Variants in XRCC4 observed in about 807,000 individuals in gnomAD.
XRCC4 encodes the protein X-ray repair cross complementing 4.
In XRCC4, 28 loss-of-function variants were observed where a neutral mutation model predicts 39.1. The ratio of observed to expected loss-of-function variants is 0.72; its 90% CI spans 0.53 to 0.98. The LOEUF (loss-of-function observed/expected upper bound fraction) is 0.98. Ranked by LOEUF, XRCC4 falls within the 50% of genes least tolerant of loss-of-function variation. The probability of loss-of-function intolerance (pLI) is 0.00; values close to 1 mark genes in which losing one functional copy is unlikely to be tolerated. For missense variants in XRCC4, 350 were observed against 376.4 expected (o/e 0.93, Z 0.58); for synonymous variants, 123 against 126.4 (o/e 0.97, Z 0.18).
chr5:83,368,748 A>G, the XRCC4 span, among the ~76,000 whole-genome samples: 48 of 152,186 alleles, frequency 3.2e-4, no homozygotes, highest in African/African-American at 1.1e-3. Flanking sequence ...AACCCTTACG[A>G]TATACTAAAT....
chr5:83,264,339 C>T (rs1753879201), intron 7 of XRCC4, among the ~76,000 whole-genome samples: 1 of 152,088 alleles, frequency 6.6e-6, no homozygotes, highest in African/African-American at 2.4e-5. Context: ...AGGCAATATT[C>T]ACTCTTAATA....
intron 3 of XRCC4, among the ~76,000 whole-genome samples, chr5:83,124,504 C>T (rs1747165206): frequency 6.6e-6 from 1 of 152,068 alleles, no homozygotes. Context: ...CATGGATGCA[C>T]CACACTTTGT....
the XRCC4 span, among the ~76,000 whole-genome samples, chr5:83,370,110 G>T: frequency 6.6e-6 from 1 of 152,084 alleles, no homozygotes; most frequent in African/African-American, 2.4e-5. Context: ...GAGGACAAGA[G>T]CCCCAAACTC....
chr5:83,119,005 A>G (rs1314704107), intron 3 of XRCC4, among the ~76,000 whole-genome samples: 5 of 152,178 alleles, frequency 3.3e-5, no homozygotes, highest in Non-Finnish European at 7.3e-5. Flanking sequence ...TTTTTAGTGG[A>G]AAATCCATTC....
At chr5:83,218,076 A>ATATATATATATATATATT (rs1303092499) in intron 6 of XRCC4, among the ~76,000 whole-genome samples, 3 of 150,398 alleles carry the variant, frequency 2.0e-5, no homozygotes, top group Admixed American at 6.6e-5. Context: ...ATATATATAT[A>ATATATATATATATATATT]TATTTATTAG....
chr5:83,234,486 A>T (rs1363784659), intron 6 of XRCC4, among the ~76,000 whole-genome samples: 2 of 152,112 alleles, frequency 1.3e-5, no homozygotes, highest in South Asian at 4.1e-4. Context: ...ACCACAGTAC[A>T]GCCTCGAACT....
At chr5:83,314,120 T>C (rs1755800796) in intron 7 of XRCC4, among the ~76,000 whole-genome samples, 2 of 152,084 alleles carry the variant, frequency 1.3e-5, no homozygotes, top group Non-Finnish European at 2.9e-5. Flanking sequence ...GATTTTTCCT[T>C]TAATAAATGT....
intron 1 of XRCC4, among the ~76,000 whole-genome samples, chr5:83,082,043 G>T (rs1278466807): frequency 2.0e-5 from 3 of 151,874 alleles, no homozygotes; most frequent in African/African-American, 7.2e-5. Flanking sequence ...CTTTTTCTAT[G>T]AAATATATCT....
chr5:83,128,115 C>T (rs919501410), intron 3 of XRCC4, among the ~76,000 whole-genome samples: 9 of 151,984 alleles, frequency 5.9e-5, no homozygotes, highest in African/African-American at 1.7e-4. Flanking sequence ...TAATGCTATC[C>T]GTCCACCCTC....
intron 3 of XRCC4, among the ~76,000 whole-genome samples, chr5:83,133,667 T>A (rs766638357): frequency 6.6e-5 from 10 of 152,162 alleles, no homozygotes; most frequent in African/African-American, 9.7e-5. Flanking sequence ...CGAGGCTCCA[T>A]GGGCATGGGA....
chr5:83,175,935 G>T (rs1749934494), intron 3 of XRCC4, among the ~76,000 whole-genome samples: 1 of 152,034 alleles, frequency 6.6e-6, no homozygotes, highest in African/African-American at 2.4e-5. Flanking sequence ...AAACCAGCTT[G>T]GGCAACATAA....
At chr5:83,189,954 C>CAG (rs1750619858) in intron 3 of XRCC4, among the ~76,000 whole-genome samples, 1 of 152,068 alleles carries the variant, frequency 6.6e-6, no homozygotes, top group South Asian at 2.1e-4. Context: ...ATCCCAGCTA[C>CAG]GTGGGATGCT....
intron 7 of XRCC4, among the ~76,000 whole-genome samples, chr5:83,282,791 G>A (rs760390319): frequency 1.1e-4 from 16 of 152,166 alleles, no homozygotes; most frequent in South Asian, 2.1e-4. Context: ...GCAGTGAGCC[G>A]AGATTGCGCC....
At chr5:83,192,498 A>G (rs1408667184) in intron 3 of XRCC4, among the ~76,000 whole-genome samples, 3 of 151,764 alleles carry the variant, frequency 2.0e-5, no homozygotes, top group African/African-American at 4.8e-5. Flanking sequence ...TTTAGTAGAG[A>G]CAGGGTTTCA....
At chr5:83,341,777 G>A (rs971382044) in intron 7 of XRCC4, among the ~76,000 whole-genome samples, 6 of 152,124 alleles carry the variant, frequency 3.9e-5, no homozygotes, top group Non-Finnish European at 4.4e-5. Flanking sequence ...TGGCTGTGTG[G>A]TTTCAGGTAC....
Position 83,344,415 on chromosome 5 carries a change from CTTTTTTTTTTT to C in XRCC4, c.894-8703_894-8693del, listed in dbSNP as rs70973394. ...CCACACCCAGCTAATTTATTTTTCACTTTTTTTTTTTTTTTTTTTTTTTGTAGAGACAGAGT... is the reference window on the plus strand; with the variant it reads ...CCACACCCAGCTAATTTATTTTTCACTTTTTTTTTTTTGTAGAGACAGAGT... On this transcript the variant is annotated intron_variant, in intron 7 of 7. Transcript: ENST00000396027. Among the ~76,000 whole-genome samples the C allele has an allele frequency of 1.6e-3, 181 of 115,228 alleles. 2 individuals carry two copies. The highest frequency in any genetic ancestry group is 6.3e-3 in the African/African-American group (171 of 27,254). 75.6% of individuals were successfully genotyped at this position (115,228 alleles called of 152,430 possible).
intron 6 of XRCC4, among the ~76,000 whole-genome samples, chr5:83,257,564 T>C (rs1753588041): frequency 2.6e-5 from 4 of 152,092 alleles, no homozygotes; most frequent in Non-Finnish European, 5.9e-5. Context: ...TGTGGAGAAA[T>C]AGGAACGCTT....
At chr5:83,196,372 T>A (rs1322317648) in intron 4 of XRCC4, among the ~76,000 whole-genome samples, 7 of 152,108 alleles carry the variant, frequency 4.6e-5, no homozygotes, top group Non-Finnish European at 7.4e-5. Flanking sequence ...CCTAATAGAC[T>A]TATTTCTCTG....
At chr5:83,327,295 A>G (rs984958424) in intron 7 of XRCC4, among the ~76,000 whole-genome samples, 3 of 152,206 alleles carry the variant, frequency 2.0e-5, no homozygotes, top group African/African-American at 4.8e-5. Context: ...CCTACAGTAT[A>G]TAGCCATCTT....
Sources: allele counts gnomAD v4.1 joint callset (sites outside exome capture counted in the v4.1 genomes callset), GRCh38; gene constraint gnomAD v4.1.1; transcripts MANE v1.5; gene names NCBI Gene and HGNC (gene_info 2026-07-23, HGNC 2026-07-21).